ATF3: variants seen among roughly 807,000 people sequenced by gnomAD.
ATF3 encodes the protein activating transcription factor 3.
In ATF3, 10 loss-of-function variants were observed where a neutral mutation model predicts 18.4. The observed-to-expected ratio is 0.54, with a 90% CI of 0.34 to 0.92. ATF3 has a LOEUF of 0.92. Among genes scored for constraint, ATF3 ranks in the 40% least tolerant of loss-of-function variants. ATF3 has a pLI of 0.02. For missense variants in ATF3, 183 were observed against 222.3 expected, an observed-to-expected ratio of 0.82 and a Z score of 1.12; for synonymous variants, 78 against 87.9, an observed-to-expected ratio of 0.89 and a Z score of 0.63.
chr1:212,608,111 G>T (rs979932237), upstream of ATF3, among the ~76,000 whole-genome samples: 2 of 152,192 alleles, frequency 1.3e-5, no homozygotes, highest in Non-Finnish European at 2.9e-5. Flanking sequence ...GGCGGGTAAC[G>T]GCGTGGATAC....
chr1:212,570,321 G>GA (rs1191540962), intron 1 of ATF3, among the ~76,000 whole-genome samples: 5 of 151,798 alleles, frequency 3.3e-5, no homozygotes, highest in African/African-American at 1.2e-4. Context: ...TCTTCTAATA[G>GA]AAAACAGCCT....
At chr1:212,610,518 A>G (rs1326781936) in intron 1 of ATF3, among the ~76,000 whole-genome samples, 5 of 152,184 alleles carry the variant, frequency 3.3e-5, no homozygotes, top group Admixed American at 3.3e-4. Context: ...TTACTGTCGG[A>G]ATGGTTTCAG....
intron 1 of ATF3, among the ~76,000 whole-genome samples, chr1:212,582,296 C>A (rs1170781629): frequency 6.6e-6 from 1 of 152,222 alleles, no homozygotes; most frequent in Non-Finnish European, 1.5e-5. Context: ...AGGAACCAGG[C>A]CAGCCTCTGT....
At chr1:212,568,050 AGTT>A (rs1286743733) in intron 1 of ATF3, among the ~76,000 whole-genome samples, 2 of 152,234 alleles carry the variant, frequency 1.3e-5, no homozygotes, top group African/African-American at 2.4e-5. Context: ...TTATAGCCCC[AGTT>A]TCTAACTTAG....
intron 1 of ATF3, among the ~76,000 whole-genome samples, chr1:212,585,720 G>A (rs1664767903): frequency 6.6e-6 from 1 of 152,122 alleles, no homozygotes; most frequent in Non-Finnish European, 1.5e-5. Context: ...CCAAATGAAG[G>A]GTTACAGGAT....
At chr1:212,593,190 A>T (rs1664921816) in intron 1 of ATF3, among the ~76,000 whole-genome samples, 1 of 151,594 alleles carries the variant, frequency 6.6e-6, no homozygotes, top group East Asian at 1.9e-4. Context: ...TATCACAAGG[A>T]TGAAAAACCA....
rs1324040754 is a variant in ATF3, at chr1:212,618,273, C to T, written c.348+39C>T. On this transcript the variant is annotated intron_variant, in intron 3 of 3. Transcript: ENST00000341491. This position sits in a 1 kb window ranked among gnomAD's most constrained non-coding sequence, Gnocchi z 4.4. ...AGCCTTACCCTTCCTCTCGCTCACG[C>T]CTGTCTTCACCAGCTTCATGTGGCT... 4 of 1,581,062 alleles carry T rather than the reference C, an allele frequency of 2.5e-6. No homozygotes were observed. Among genetic ancestry groups the T allele is most frequent in the Non-Finnish European group, 3.5e-6 (4 of 1,150,216 alleles).
intron 1 of ATF3, among the ~76,000 whole-genome samples, chr1:212,586,520 T>C (rs571977650): frequency 3.1e-4 from 47 of 152,338 alleles, no homozygotes; most frequent in African/African-American, 1.0e-3. Context: ...GGTGAATGAA[T>C]GAATGACTAC....
intron 1 of ATF3, among the ~76,000 whole-genome samples, chr1:212,585,669 C>T (rs1664766925): frequency 6.6e-6 from 1 of 152,188 alleles, no homozygotes; most frequent in Non-Finnish European, 1.5e-5. Context: ...CTGAACCCTC[C>T]CTCTGTCACA....
intron 1 of ATF3, among the ~76,000 whole-genome samples, chr1:212,594,300 T>A (rs934567007): frequency 2.0e-5 from 3 of 152,256 alleles, no homozygotes; most frequent in Non-Finnish European, 2.9e-5. Flanking sequence ...GACTAGAATA[T>A]GTTTTATTGC....
intron 1 of ATF3, 39 bp from the exon 2 acceptor site, chr1:212,614,979 G>T: frequency 1.9e-6 from 3 of 1,614,092 alleles, no homozygotes; most frequent in Non-Finnish European, 2.5e-6. Flanking sequence ...CCATGCCCCA[G>T]AGCCCCTGAA....
intron 1 of ATF3, among the ~76,000 whole-genome samples, chr1:212,577,587 G>A (rs959541723): frequency 2.6e-5 from 3 of 114,472 alleles, no homozygotes; most frequent in Non-Finnish European, 5.4e-5. Context: ...CCCCCACCAC[G>A]GCCTCAGCTC....
At chr1:212,616,297 A>G (rs1431432901) in intron 2 of ATF3, among the ~76,000 whole-genome samples, 1 of 141,984 alleles carries the variant, frequency 7.0e-6, no homozygotes, top group Non-Finnish European at 1.5e-5. Flanking sequence ...ACAGATACAC[A>G]CACACACTTT....
upstream of ATF3, among the ~76,000 whole-genome samples, chr1:212,607,908 T>TAAA (rs566547736): frequency 6.8e-6 from 1 of 147,282 alleles, no homozygotes; most frequent in African/African-American, 2.5e-5. Context: ...TTTGTGATTG[T>TAAA]AAAAAAAAAA....
At chr1:212,609,366 C>CT in intron 1 of ATF3, among the ~76,000 whole-genome samples, 1 of 56,332 alleles carries the variant, frequency 1.8e-5, no homozygotes, top group South Asian at 1.1e-3. Flanking sequence ...GGAGCCGATC[C>CT]TTCCCGGGTG....
chr1:212,611,228 G>A (rs1654882031), intron 1 of ATF3, among the ~76,000 whole-genome samples: 1 of 152,224 alleles, frequency 6.6e-6, no homozygotes, highest in Non-Finnish European at 1.5e-5. Context: ...TACCTGGTCT[G>A]TGAAGAACTT....
At chr1:212,576,150 A>C (rs2102623347) in intron 1 of ATF3, among the ~76,000 whole-genome samples, 1 of 152,254 alleles carries the variant, frequency 6.6e-6, no homozygotes, top group Middle Eastern at 3.4e-3. Context: ...GCTAAGGCTT[A>C]GTTCTGGTTT....
intron 1 of ATF3, among the ~76,000 whole-genome samples, chr1:212,609,912 T>C (rs1044605766): frequency 2.0e-5 from 3 of 152,180 alleles, no homozygotes; most frequent in Non-Finnish European, 4.4e-5. Context: ...GAGGGCACAA[T>C]GCAGTGGTTG....
Position 212,619,254 on chromosome 1 carries a change from C to G in ATF3, c.349-104C>G, listed in dbSNP as rs1357331667. 6.2e-7 allele frequency: 1 copy of G among 1,610,968 alleles called. No individual in the cohort carries two copies. Among genetic ancestry groups the G allele is most frequent in the Admixed American group, 1.7e-5 (1 of 59,914 alleles). On this transcript the variant is annotated intron_variant, in intron 3 of 3. Coordinates refer to ENST00000341491, the MANE Select transcript of ATF3 (RefSeq NM_001674.4). The surrounding 1 kb of genome is among the most constrained non-coding windows in gnomAD (Gnocchi z 4.4). ...CTTCCTCTCGCAGCTTGATGAGCCC[C>G]GGTGTGTCCCAGGTACACCCCTGCA...
Sources: gnomAD v4.1 joint callset for allele counts (sites outside exome capture counted in the v4.1 genomes callset) on GRCh38, gnomAD v4.1.1 for gene constraint, Gnocchi (gnomAD v3.1) non-coding constraint, MANE v1.5 for transcripts, NCBI Gene and HGNC (gene_info 2026-07-23, HGNC 2026-07-21) for gene names.